Variants in CDH6 observed in about 807,000 individuals in gnomAD.
CDH6 encodes cadherin-6.
CDH6 carries 31 observed loss-of-function variants against 78.0 expected under a neutral mutation model. The ratio of observed to expected loss-of-function variants is 0.40; its 90% confidence interval spans 0.30 to 0.54. The LOEUF is 0.54. CDH6 is among the 20% of genes least tolerant of loss of function. The pLI, the probability that CDH6 is intolerant of heterozygous loss-of-function variation, is 0.56. For synonymous variants in CDH6, 376 were observed against 368.8 expected, an observed-to-expected ratio of 1.02 and a Z score of -0.23; for missense variants, 724 against 975.9, an observed-to-expected ratio of 0.74 and a Z score of 3.44.
intron 8 of CDH6, among the ~76,000 whole-genome samples, chr5:31,313,988 T>C (rs1738231531): frequency 6.6e-6 from 1 of 152,132 alleles, no homozygotes; most frequent in African/African-American, 2.4e-5. Flanking sequence ...AAGTAATCAG[T>C]AAAATGATTA....
intron 1 of CDH6, among the ~76,000 whole-genome samples, chr5:31,199,845 C>A (rs1280631675): frequency 6.6e-6 from 1 of 151,764 alleles, no homozygotes; most frequent in Non-Finnish European, 1.5e-5. Context: ...AAGTATTTTA[C>A]ATGCATTTCG....
chr5:31,297,605 C>A (rs1737645572), intron 4 of CDH6, among the ~76,000 whole-genome samples, 197 bp downstream of exon 4: 1 of 152,110 alleles, frequency 6.6e-6, no homozygotes. Context: ...TTTCACCCAC[C>A]CTTTCTATGG....
At chr5:31,310,665 T>C (rs1738122086) in intron 7 of CDH6, among the ~76,000 whole-genome samples, 1 of 152,176 alleles carries the variant, frequency 6.6e-6, no homozygotes, top group South Asian at 2.1e-4. Flanking sequence ...GAAATCTAGG[T>C]GGGGGTTCCC....
chr5:31,231,555 TGAGGGCTTTCTTGCTGGTA>T (rs1225370317), intron 1 of CDH6, among the ~76,000 whole-genome samples: 1 of 152,182 alleles, frequency 6.6e-6, no homozygotes, highest in Non-Finnish European at 1.5e-5. Context: ...ACATATCTGG[TGAGGGCTTTCTTGCTGGTA>T]GAGACTCTAT....
chr5:31,196,265 A>G (rs1740165716), intron 1 of CDH6, among the ~76,000 whole-genome samples: 1 of 152,156 alleles, frequency 6.6e-6, no homozygotes, highest in Admixed American at 6.5e-5. Flanking sequence ...AACAGCTAAA[A>G]ATTTTCTAGA....
intron 1 of CDH6, among the ~76,000 whole-genome samples, chr5:31,245,927 GAGAC>G (rs1183343309): frequency 1.8e-5 from 1 of 54,814 alleles, no homozygotes; most frequent in Non-Finnish European, 3.7e-5. Context: ...TTTTTTTTGT[GAGAC>G]AGAGTTTTGC....
intron 1 of CDH6, among the ~76,000 whole-genome samples, chr5:31,202,981 A>G (rs901287267): frequency 6.6e-6 from 1 of 152,126 alleles, no homozygotes; most frequent in South Asian, 2.1e-4. Flanking sequence ...ATGCAAAATG[A>G]TAAAATCTAC....
chr5:31,297,777 T>C (rs948992803), intron 4 of CDH6, among the ~76,000 whole-genome samples: 3 of 152,182 alleles, frequency 2.0e-5, no homozygotes, highest in Non-Finnish European at 1.5e-5. Flanking sequence ...TGCTCTGAAA[T>C]TAGATGTAGC....
intron 1 of CDH6, among the ~76,000 whole-genome samples, chr5:31,195,340 C>T (rs924852330): frequency 6.6e-6 from 1 of 152,042 alleles, no homozygotes; most frequent in Non-Finnish European, 1.5e-5. Flanking sequence ...AAAAAGGAAC[C>T]CAGGGATATG....
chr5:31,262,303 C>T (rs1471604428), intron 1 of CDH6, among the ~76,000 whole-genome samples: 5 of 152,182 alleles, frequency 3.3e-5, no homozygotes, highest in African/African-American at 9.6e-5. Flanking sequence ...TGGGCCTTGC[C>T]CCACTATCCA....
intron 1 of CDH6, among the ~76,000 whole-genome samples, chr5:31,223,327 T>C (rs1410732828): frequency 6.6e-6 from 1 of 152,204 alleles, no homozygotes; most frequent in Non-Finnish European, 1.5e-5. Flanking sequence ...ATATTCTGAC[T>C]TTGTATTTAT....
chr5:31,304,055 C>T (rs750622292), intron 6 of CDH6, among the ~76,000 whole-genome samples: 3 of 152,086 alleles, frequency 2.0e-5, no homozygotes, highest in Non-Finnish European at 4.4e-5. Flanking sequence ...TCTCCAAAAG[C>T]AGACCTACTT....
intron 2 of CDH6, among the ~76,000 whole-genome samples, chr5:31,292,821 G>T (rs1737424536): frequency 3.5e-5 from 1 of 28,274 alleles, no homozygotes; most frequent in Non-Finnish European, 9.4e-5. Context: ...ATATATGTGT[G>T]CATATATATA....
At chr5:31,266,075 C>A (rs1448150104) in intron 1 of CDH6, among the ~76,000 whole-genome samples, 1 of 151,966 alleles carries the variant, frequency 6.6e-6, no homozygotes, top group African/African-American at 2.4e-5. Flanking sequence ...CTGTGCCTGG[C>A]AAGACAATGT....
At chr5:31,243,224 G>A (rs530501379) in intron 1 of CDH6, among the ~76,000 whole-genome samples, 6 of 152,174 alleles carry the variant, frequency 3.9e-5, no homozygotes, top group Admixed American at 1.3e-4. Flanking sequence ...TGCTGAGGTC[G>A]GCCGCTAGAT....
At chr5:31,239,435 C>T (rs923715806) in intron 1 of CDH6, among the ~76,000 whole-genome samples, 1 of 152,166 alleles carries the variant, frequency 6.6e-6, no homozygotes, top group Non-Finnish European at 1.5e-5. Flanking sequence ...TTCTTATCCA[C>T]ACTGTTATAG....
At chr5:31,246,421 A>G (rs879374099) in intron 1 of CDH6, among the ~76,000 whole-genome samples, 4 of 152,216 alleles carry the variant, frequency 2.6e-5, no homozygotes, top group Admixed American at 1.3e-4. Context: ...TACCCTGACT[A>G]TGTTTCAATT....
chr5:31,233,187 CACAT>C lies in CDH6; in HGVS notation c.-128-34155_-128-34152del, dbSNP rs375809795. On this transcript the variant is annotated intron_variant, in intron 1 of 11. Transcript: ENST00000265071. ...ATATACACACAAATGCACACATATA[CACAT>C]ACAGAGAGTATATATTATAAGGAGC... Among the ~76,000 whole-genome samples the C allele has an allele frequency of 6.1e-3, 898 of 147,346 alleles. 11 individuals carry two copies. The highest frequency in any genetic ancestry group is 0.01 in the Middle Eastern group (3 of 294).
intron 1 of CDH6, among the ~76,000 whole-genome samples, chr5:31,194,653 A>G (rs1289276794): frequency 6.6e-6 from 1 of 152,134 alleles, no homozygotes; most frequent in Non-Finnish European, 1.5e-5. Context: ...GTGCTCCTCC[A>G]CGGCTGGCCA....
Sources: gnomAD v4.1 joint callset for allele counts (sites outside exome capture counted in the v4.1 genomes callset) on GRCh38, gnomAD v4.1.1 for gene constraint, MANE v1.5 for transcripts, NCBI Gene and HGNC (gene_info 2026-07-23, HGNC 2026-07-21) for gene names.